Variants in INTS7 observed in about 807,000 individuals in gnomAD.
INTS7 encodes the protein chromosome 1 open reading frame 73.
A neutral mutation model predicts 109.2 loss-of-function variants in INTS7; 46 were observed. That is an observed-to-expected ratio of 0.42 (90% CI 0.33 to 0.54). The LOEUF is 0.54. Ranked by LOEUF, INTS7 falls within the 20% of genes least tolerant of loss-of-function variation. The pLI is 0.07. For synonymous variants in INTS7, 412 were observed against 402.9 expected (o/e 1.02, Z -0.27); for missense variants, 929 against 1,132.4 (o/e 0.82, Z 2.58).
At chr1:211,945,898 G>A (rs888800009) in intron 18 of INTS7, among the ~76,000 whole-genome samples, 1 of 152,218 alleles carries the variant, frequency 6.6e-6, no homozygotes, top group Non-Finnish European at 1.5e-5. Context: ...AAAGGCAGAA[G>A]TACTTTGGAA....
At chr1:211,994,733 G>C (rs1333752719) in intron 7 of INTS7, among the ~76,000 whole-genome samples, 6 of 146,618 alleles carry the variant, frequency 4.1e-5, no homozygotes, top group African/African-American at 1.5e-4. Context: ...GTGCCCAGAG[G>C]AAAAAAATTC....
chr1:211,961,113 G>A (rs969256208), intron 16 of INTS7, among the ~76,000 whole-genome samples: 1 of 151,848 alleles, frequency 6.6e-6, no homozygotes, highest in Non-Finnish European at 1.5e-5. Flanking sequence ...ACAACTCACT[G>A]ATGTCCTGAA....
chr1:212,009,772 T>C (rs901577108), intron 5 of INTS7, among the ~76,000 whole-genome samples: 2 of 152,176 alleles, frequency 1.3e-5, no homozygotes, highest in African/African-American at 2.4e-5. Context: ...ACTGATAAAA[T>C]CTGCTCAATG....
chr1:211,968,916 C>T (rs769964338), intron 13 of INTS7, among the ~76,000 whole-genome samples: 4 of 152,102 alleles, frequency 2.6e-5, no homozygotes, highest in Non-Finnish European at 5.9e-5. Context: ...GTATGTACAA[C>T]CACTATTCAA....
chr1:211,991,795 C>A (rs942866177), intron 7 of INTS7, among the ~76,000 whole-genome samples: 1 of 152,108 alleles, frequency 6.6e-6, no homozygotes, highest in Non-Finnish European at 1.5e-5. Flanking sequence ...AGCAGAGAGC[C>A]ATGGACTCAA....
chr1:211,946,713 A>C lies in INTS7; in HGVS notation c.2317-8T>G. 1.3e-6 allele frequency: 2 copies of C among 1,581,090 alleles called. No homozygotes were observed. Among genetic ancestry groups the C allele is most frequent in the Non-Finnish European group, 1.7e-6 (2 of 1,157,768 alleles). On this transcript the variant is annotated splice_region_variant and splice_polypyrimidine_tract_variant and intron_variant, in intron 17 of 19. Transcript: ENST00000366994. This position sits in a 1 kb window ranked among gnomAD's most constrained non-coding sequence, Gnocchi z 4.3. The stretch of plus-strand genomic sequence containing the variant: ...GCAGAGGCATGCTGTGTGCTGGGGG[A>C]AAAAAGAAACTAAATCAAATAAAAA...
intron 15 of INTS7, among the ~76,000 whole-genome samples, chr1:211,966,860 T>TA (rs528302284): frequency 3.0e-4 from 44 of 148,902 alleles, no homozygotes; most frequent in African/African-American, 4.4e-4. Flanking sequence ...TGATAAAAGT[T>TA]AAAAAAAAAA....
At chr1:211,993,243 C>T (rs1665220755) in intron 7 of INTS7, among the ~76,000 whole-genome samples, 1 of 152,186 alleles carries the variant, frequency 6.6e-6, no homozygotes, top group South Asian at 2.1e-4. Flanking sequence ...ACTTGTTACT[C>T]CTCCTAGTCA....
chr1:211,947,797 C>T (rs1299046413), intron 17 of INTS7, among the ~76,000 whole-genome samples: 1 of 152,178 alleles, frequency 6.6e-6, no homozygotes, highest in Admixed American at 6.5e-5. Context: ...GGGAAATTGA[C>T]ATTGTGGACT....
chr1:211,994,424 T>TC (rs1486019865), intron 7 of INTS7, among the ~76,000 whole-genome samples: 2 of 96,056 alleles, frequency 2.1e-5, no homozygotes, highest in East Asian at 2.7e-4. Flanking sequence ...AAAAATTCTC[T>TC]TTTTTTTTTT....
chr1:211,952,729 C>T, intron 16 of INTS7, 28 bp from the exon 17 acceptor site: 1 of 1,596,710 alleles, frequency 6.3e-7, no homozygotes, highest in Admixed American at 1.7e-5. Flanking sequence ...ATTCATTAAT[C>T]CATCAAAATA....
rs1662689572 is a variant in INTS7 at position 211,942,702 on chromosome 1, T to C, written c.2602-591A>G. On this transcript the variant is annotated intron_variant, in intron 19 of 19. Transcript: ENST00000366994. The surrounding 1 kb of genome is among the most constrained non-coding windows in gnomAD (Gnocchi z 4.2). ...ACATTGCTCATTTAATAAGCACTGT[T>C]TTGTTCAGACTGGAAGTACAATATG... Among the ~76,000 whole-genome samples, 1 of 152,218 alleles carries C rather than the reference T, an allele frequency of 6.6e-6. No homozygotes were observed. Among genetic ancestry groups the C allele is most frequent in the African/African-American group, 2.4e-5 (1 of 41,452 alleles).
intron 1 of INTS7, 124 bp downstream of exon 1, chr1:212,035,220 G>A: frequency 1.4e-6 from 1 of 699,552 alleles, no homozygotes. Context: ...CAAAAGCACA[G>A]GCGCTCCCCG....
chr1:212,032,530 G>A (rs1207013900), intron 1 of INTS7, among the ~76,000 whole-genome samples: 8 of 151,380 alleles, frequency 5.3e-5, no homozygotes, highest in Non-Finnish European at 1.0e-4. Context: ...AGACTGGAGT[G>A]CAGTGGTGTG....
intron 7 of INTS7, among the ~76,000 whole-genome samples, chr1:211,993,679 C>CAA (rs1333287349): frequency 0.021 from 1,126 of 54,722 alleles, 39 homozygotes; most frequent in African/African-American, 0.069. Context: ...GACTAAAACT[C>CAA]AAAAAAAAAA....
intron 7 of INTS7, among the ~76,000 whole-genome samples, chr1:212,002,141 G>T (rs1665700135): frequency 6.6e-6 from 1 of 152,166 alleles, no homozygotes; most frequent in Non-Finnish European, 1.5e-5. Flanking sequence ...ATGGTAAAAA[G>T]CTTAGAGCCA....
At chr1:212,012,739 TCTTA>T (rs1354327276) in intron 4 of INTS7, among the ~76,000 whole-genome samples, 2 of 152,238 alleles carry the variant, frequency 1.3e-5, no homozygotes, top group Non-Finnish European at 2.9e-5. Context: ...TTGCTGTTTC[TCTTA>T]CTTGGTCTTA....
intron 17 of INTS7, among the ~76,000 whole-genome samples, chr1:211,950,991 GTCAAT>G (rs1274319746): frequency 6.6e-6 from 1 of 152,196 alleles, no homozygotes; most frequent in Non-Finnish European, 1.5e-5. Flanking sequence ...TCAAACAGCT[GTCAAT>G]TCAATTCAGT....
intron 16 of INTS7, among the ~76,000 whole-genome samples, chr1:211,953,604 T>C (rs560528599): frequency 7.0e-6 from 1 of 141,976 alleles, no homozygotes; most frequent in Non-Finnish European, 1.5e-5. Context: ...CCTGTGTCCA[T>C]GTGTTCTCAT....
Sources: gnomAD v4.1 joint callset for allele counts (sites outside exome capture counted in the v4.1 genomes callset) on GRCh38, gnomAD v4.1.1 for gene constraint, Gnocchi (gnomAD v3.1) non-coding constraint, MANE v1.5 for transcripts, NCBI Gene and HGNC (gene_info 2026-07-23, HGNC 2026-07-21) for gene names.